The following SCEL variants were observed in gnomAD, a reference collection of about 807,000 sequenced individuals.
SCEL encodes sciellin.
In SCEL, 113 loss-of-function variants were observed where a neutral mutation model predicts 117.6. The observed-to-expected ratio is 0.96, with a 90% CI of 0.83 to 1.12. The LOEUF (loss-of-function observed/expected upper bound fraction) is 1.12. Among genes scored for constraint, SCEL ranks in the 50% most tolerant of loss-of-function variants. The pLI is 0.00. For synonymous variants in SCEL, 270 were observed against 256.2 expected (o/e 1.05, Z -0.51); for missense variants, 785 against 810.8 (o/e 0.97, Z 0.39).
chr13:77,644,236 T>C, intron 32 of SCEL, 22 bp from the exon 33 acceptor site: 1 of 1,613,078 alleles, frequency 6.2e-7, no homozygotes, highest in Non-Finnish European at 8.5e-7. Context: ...AATTTGCACG[T>C]CTTTTTTCTT....
chr13:77,608,812 T>A (rs887063313), intron 20 of SCEL, among the ~76,000 whole-genome samples: 1 of 152,246 alleles, frequency 6.6e-6, no homozygotes, highest in Admixed American at 6.5e-5. Context: ...TGATTTTTTT[T>A]AATGGCGTCT....
At chr13:77,605,744 A>C (rs1261396110) in intron 19 of SCEL, among the ~76,000 whole-genome samples, 2 of 152,190 alleles carry the variant, frequency 1.3e-5, no homozygotes, top group Non-Finnish European at 2.9e-5. Context: ...CAGTGGCTCA[A>C]GCCTGTAATC....
At position 77,594,936 on chromosome 13, in the gene SCEL, TTGTCC is replaced by T. The variant is rs567405344; in HGVS notation, c.752+1366_752+1370del. Among the ~76,000 whole-genome samples, 188 of 152,310 alleles carry T rather than the reference TTGTCC, an allele frequency of 1.2e-3. 2 individuals carry two copies. Among genetic ancestry groups the T allele is most frequent in the Non-Finnish European group, 2.5e-3 (170 of 68,020 alleles). The stretch of plus-strand genomic sequence containing the variant: ...TGAATCCAGACAGAGTCTATAGAAA[TTGTCC>T]TGAATGTTTCATTTCCATGTCTTCC... On this transcript the variant is annotated intron_variant, in intron 12 of 32. Transcript: ENST00000349847.
intron 15 of SCEL, 57 bp downstream of exon 15, chr13:77,599,805 C>A: frequency 1.6e-6 from 2 of 1,229,202 alleles, no homozygotes; most frequent in South Asian, 1.2e-5. Context: ...GTACTATTTT[C>A]TGGAGGAGAC....
rs1313643162 is a variant in SCEL, at chr13:77,616,017, T to A, written c.1452-1582T>A. On this transcript the variant is annotated intron_variant, in intron 24 of 32. Coordinates refer to ENST00000349847, the MANE Select transcript of SCEL (RefSeq NM_144777.3). ...ATTTATGTCTCTCTGTGTGTGTGTG[T>A]GTGTGTGTGTGTGTGTGTGTGTGTG... Among the ~76,000 whole-genome samples, 917 of 143,348 alleles carry A rather than the reference T, an allele frequency of 6.4e-3. 13 individuals carry two copies. Among genetic ancestry groups the A allele is most frequent in the African/African-American group, 0.021 (828 of 40,390 alleles). The allele number at this position is 143,348 out of a possible 152,430, so 94.0% of individuals were successfully genotyped here.
intron 8 of SCEL, among the ~76,000 whole-genome samples, chr13:77,571,556 G>A (rs909265005): frequency 2.0e-5 from 3 of 151,578 alleles, no homozygotes; most frequent in Non-Finnish European, 2.9e-5. Flanking sequence ...GGGCGTGGTG[G>A]TGCATGCCTG....
At chr13:77,620,020 C>T (rs890159117) in intron 27 of SCEL, among the ~76,000 whole-genome samples, 1 of 151,952 alleles carries the variant, frequency 6.6e-6, no homozygotes, top group East Asian at 1.9e-4. Flanking sequence ...ATGAAATATC[C>T]GTAGAAAGAC....
Position 77,642,595 on chromosome 13 carries a change from G to A in SCEL, c.1948-111G>A, listed in dbSNP as rs918026372. 6 of 571,196 alleles carry A rather than the reference G, an allele frequency of 1.1e-5. No homozygotes were observed. In the African/African-American group the frequency reaches 1.1e-4, roughly 11 times the overall value. The allele number at this position is 571,196 out of a possible 1,614,324, so 35.4% of individuals were successfully genotyped here. A position where few individuals can be genotyped will look rare whatever the true frequency, so the allele number is the denominator to read the frequency against. ...ACTGTGAGTGAAGTAGAAAACTTCA[G>A]TGATAAACATCCCTTAAAAGTGCCT... On this transcript the variant is annotated intron_variant, in intron 31 of 32. Transcript: ENST00000349847.
chr13:77,610,181 G>A (rs569338668), intron 22 of SCEL, 75 bp downstream of exon 22: 28 of 1,075,088 alleles, frequency 2.6e-5, no homozygotes, highest in African/African-American at 8.1e-5. Flanking sequence ...CAAATTGTGC[G>A]GTGGCTTACG....
At chr13:77,642,899 C>T in intron 32 of SCEL, 91 bp downstream of exon 32, 2 of 624,274 alleles carry the variant, frequency 3.2e-6, no homozygotes, top group Non-Finnish European at 5.4e-6. Context: ...TAAAGTAAAA[C>T]ATTTTACTAG....
chr13:77,548,864 T>C (rs1373626603), intron 1 of SCEL, among the ~76,000 whole-genome samples: 1 of 152,212 alleles, frequency 6.6e-6, no homozygotes, highest in Non-Finnish European at 1.5e-5. Context: ...ATTAAACCTC[T>C]TTCCTTTATA....
Position 77,569,303 on chromosome 13 carries a change from T to C in SCEL, c.399-68T>C. ...CAGGAATATGAGTAGAATTTAAGAC[T>C]TTTCAAAGGTAGGCTGAAATGAAAA... On this transcript the variant is annotated intron_variant, in intron 7 of 32. Transcript: ENST00000349847. The C allele has an allele frequency of 4.7e-6, 6 of 1,279,180 alleles. No individual in the cohort carries two copies. In the South Asian group the frequency reaches 7.3e-5, roughly 16 times the overall value. 79.2% of individuals were successfully genotyped at this position (1,279,180 alleles called of 1,614,324 possible). A position where few individuals can be genotyped will look rare whatever the true frequency, so the allele number is the denominator to read the frequency against.
intron 9 of SCEL, among the ~76,000 whole-genome samples, chr13:77,582,486 C>T (rs558033914): frequency 2.4e-4 from 37 of 152,270 alleles, no homozygotes; most frequent in Admixed American, 2.6e-4. Flanking sequence ...CCTCGGCCTC[C>T]GAAAGTGCTG....
intron 29 of SCEL, among the ~76,000 whole-genome samples, chr13:77,636,008 A>C (rs2090260260): frequency 6.6e-6 from 1 of 152,194 alleles, no homozygotes. Context: ...GATAATATTA[A>C]TATTGTGGCA....
At chr13:77,560,006 A>T (rs2084884173) in intron 4 of SCEL, 143 bp downstream of exon 4, 1 of 736,216 alleles carries the variant, frequency 1.4e-6, no homozygotes, top group African/African-American at 1.8e-5. Flanking sequence ...AATCTGTGAT[A>T]TCATCAGAGG....
chr13:77,633,392 C>T (rs991735031), intron 28 of SCEL, among the ~76,000 whole-genome samples: 2 of 131,926 alleles, frequency 1.5e-5, no homozygotes, highest in Non-Finnish European at 3.1e-5. Context: ...GCCGAGATTG[C>T]GCCACTGCAG....
chr13:77,568,242 T>G (rs1343586329), intron 6 of SCEL, 53 bp from the exon 7 acceptor site: 8 of 1,157,670 alleles, frequency 6.9e-6, no homozygotes, highest in Non-Finnish European at 1.0e-5. Flanking sequence ...TCCAAATAGA[T>G]GCAAATGTTC....
intron 1 of SCEL, among the ~76,000 whole-genome samples, chr13:77,545,909 G>A (rs632519): frequency 0.99 from 150,347 of 152,390 alleles, 74,190 homozygotes; most frequent in East Asian, 1. Flanking sequence ...CCACAGTATT[G>A]CTCATTTATA....
intron 22 of SCEL, among the ~76,000 whole-genome samples, chr13:77,611,623 C>A (rs910709705): frequency 6.6e-6 from 1 of 152,144 alleles, no homozygotes; most frequent in Non-Finnish European, 1.5e-5. Context: ...ATTTTGGTAG[C>A]CACATGCTGC....
Sources: allele counts gnomAD v4.1 joint callset (sites outside exome capture counted in the v4.1 genomes callset), GRCh38; gene constraint gnomAD v4.1.1; transcripts MANE v1.5; gene names NCBI Gene and HGNC (gene_info 2026-07-23, HGNC 2026-07-21).